The following VWA8 variants were observed in gnomAD, a reference collection of about 807,000 sequenced individuals.
VWA8 encodes the protein von Willebrand factor A domain-containing protein 8.
VWA8 carries 221 observed loss-of-function variants against 241.5 expected under a neutral mutation model. The ratio of observed to expected loss-of-function variants is 0.91; its 90% CI spans 0.82 to 1.02. The LOEUF (loss-of-function observed/expected upper bound fraction) is 1.02. VWA8 is among the 50% of genes least tolerant of loss of function. The pLI is 0.00. For missense variants in VWA8, 2,322 were observed against 2,328.7 expected, an observed-to-expected ratio of 1.00 and a Z score of 0.06; for synonymous variants, 852 against 827.1, an observed-to-expected ratio of 1.03 and a Z score of -0.52.
chr13:41,736,444 A>C (rs1410599709), intron 21 of VWA8, among the ~76,000 whole-genome samples: 6 of 152,198 alleles, frequency 3.9e-5, no homozygotes, highest in Non-Finnish European at 5.9e-5. Context: ...CAAAATAAGG[A>C]AAGAAAACTG....
intron 13 of VWA8, 125 bp downstream of exon 13, chr13:41,833,246 C>T (rs1871549363): frequency 1.7e-6 from 2 of 1,160,414 alleles, no homozygotes; most frequent in African/African-American, 1.6e-5. Flanking sequence ...GGTATAGAAT[C>T]ATGATTTTTC....
At chr13:41,936,412 C>T (rs1377202676) in intron 2 of VWA8, among the ~76,000 whole-genome samples, 2 of 152,066 alleles carry the variant, frequency 1.3e-5, no homozygotes, top group Non-Finnish European at 2.9e-5. Flanking sequence ...ACATGAGATA[C>T]TTGTATATTA....
intron 44 of VWA8, 77 bp downstream of exon 44, chr13:41,570,391 A>G (rs1593620067): frequency 7.5e-7 from 1 of 1,328,422 alleles, no homozygotes; most frequent in South Asian, 1.3e-5. Context: ...TCATGGTGCT[A>G]AGCCTATAAA....
At chr13:41,713,743 A>T (rs1288508328) in intron 26 of VWA8, among the ~76,000 whole-genome samples, 1 of 152,184 alleles carries the variant, frequency 6.6e-6, no homozygotes, top group African/African-American at 2.4e-5. Context: ...TTTAATCCTG[A>T]TGAGAACATC....
At chr13:41,767,032 T>C (rs930813392) in intron 20 of VWA8, among the ~76,000 whole-genome samples, 7 of 152,232 alleles carry the variant, frequency 4.6e-5, no homozygotes, top group Admixed American at 6.5e-5. Context: ...TATTTGCCAC[T>C]GCCAGCATTC....
At chr13:41,609,187 C>A (rs1044016469) in intron 39 of VWA8, among the ~76,000 whole-genome samples, 7 of 152,038 alleles carry the variant, frequency 4.6e-5, no homozygotes, top group Admixed American at 2.0e-4. Context: ...GAGAGACAAC[C>A]AATTATTCAC....
At chr13:41,786,436 A>G (rs1306736340) in intron 18 of VWA8, among the ~76,000 whole-genome samples, 3 of 152,148 alleles carry the variant, frequency 2.0e-5, no homozygotes, top group African/African-American at 7.2e-5. Flanking sequence ...GAACCAGACA[A>G]GTAAAAAGTC....
intron 23 of VWA8, among the ~76,000 whole-genome samples, chr13:41,728,847 T>C (rs765860961): frequency 6.6e-6 from 1 of 152,134 alleles, no homozygotes; most frequent in Non-Finnish European, 1.5e-5. Flanking sequence ...ATTTTAGTTA[T>C]TAGTCTCAAC....
At chr13:41,904,487 C>T (rs934065167) in intron 4 of VWA8, among the ~76,000 whole-genome samples, 4 of 152,136 alleles carry the variant, frequency 2.6e-5, no homozygotes, top group African/African-American at 9.7e-5. Flanking sequence ...TCCCATCCCT[C>T]ACTCTTATCT....
At chr13:41,571,982 T>C (rs921279083) in intron 43 of VWA8, among the ~76,000 whole-genome samples, 6 of 150,632 alleles carry the variant, frequency 4.0e-5, no homozygotes, top group South Asian at 2.1e-4. Context: ...ATGTGAGGAA[T>C]GCCTCTGCCC....
chr13:41,881,605 A>G (rs1441113624), intron 9 of VWA8, among the ~76,000 whole-genome samples: 37 of 149,582 alleles, frequency 2.5e-4, no homozygotes, highest in East Asian at 6.0e-4. Context: ...GGTGGTGGCC[A>G]GGCAGAGGGG....
intron 18 of VWA8, among the ~76,000 whole-genome samples, chr13:41,784,144 TA>T (rs1381606411): frequency 2.8e-4 from 40 of 141,946 alleles, no homozygotes; most frequent in East Asian, 8.1e-4. Flanking sequence ...TGTGAGAAAC[TA>T]AAAAAAAAAA....
chr13:41,717,119 A>G (rs2045352558), intron 26 of VWA8, among the ~76,000 whole-genome samples: 2 of 151,978 alleles, frequency 1.3e-5, no homozygotes, highest in African/African-American at 4.8e-5. Flanking sequence ...GATGATCCAC[A>G]ATGAAGATAA....
Position 41,590,782 on chromosome 13 carries a change from T to TACAC in VWA8, c.4987-21_4987-18dup. The TACAC allele has an allele frequency of 6.2e-7, 1 of 1,613,360 alleles. No individual in the cohort carries two copies. The highest frequency in any genetic ancestry group is 1.3e-5 in the African/African-American group (1 of 75,002). ...ACCTTTAGCCTACAAAAGACACACA[T>TACAC]ACACACACAAAGCCTTAATTAGTTA... On this transcript the variant is annotated splice_polypyrimidine_tract_variant and intron_variant, in intron 40 of 44. Transcript: ENST00000379310.
In VWA8 at chr13:41,961,084, T is replaced by C. The variant is rs1878599588; in HGVS notation, c.-69A>G. Reference sequence around the variant, plus strand: ...CGAGCGGCGTCCCGTGCAGGCACCGTGAGGCAGCGCGGAGAAGGGGACAGG... The same window carrying C: ...CGAGCGGCGTCCCGTGCAGGCACCGCGAGGCAGCGCGGAGAAGGGGACAGG... On this transcript the variant is annotated 5_prime_UTR_variant, in exon 1 of 45. Transcript: ENST00000379310. 3 of 1,306,688 alleles carry C rather than the reference T, an allele frequency of 2.3e-6. No individual in the cohort carries two copies. Among genetic ancestry groups the C allele is most frequent in the Non-Finnish European group, 2.0e-6 (2 of 1,019,544 alleles). 80.9% of individuals were successfully genotyped at this position (1,306,688 alleles called of 1,614,324 possible).
intron 21 of VWA8, among the ~76,000 whole-genome samples, chr13:41,734,183 C>A (rs1246010166): frequency 6.6e-6 from 1 of 152,018 alleles, no homozygotes; most frequent in African/African-American, 2.4e-5. Context: ...ACTAAAAATA[C>A]AAAAATTAGC....
chr13:41,770,428 G>A (rs1172383666), intron 20 of VWA8, among the ~76,000 whole-genome samples: 47 of 139,894 alleles, frequency 3.4e-4, no homozygotes, highest in Non-Finnish European at 4.4e-4. Flanking sequence ...GCGACAGAGC[G>A]AGACTCCGTT....
intron 12 of VWA8, among the ~76,000 whole-genome samples, chr13:41,848,053 A>AACG (rs1872365791): frequency 6.6e-6 from 1 of 152,218 alleles, no homozygotes; most frequent in Non-Finnish European, 1.5e-5. Context: ...GCAAAAAACA[A>AACG]ATGATGGAAT....
chr13:41,782,971 A>G (rs1868958945), intron 19 of VWA8, among the ~76,000 whole-genome samples: 1 of 151,284 alleles, frequency 6.6e-6, no homozygotes, highest in South Asian at 2.1e-4. Context: ...TCCTTTAAAA[A>G]AGAAAGGAAA....
Sources: allele counts gnomAD v4.1 joint callset (sites outside exome capture counted in the v4.1 genomes callset), GRCh38; gene constraint gnomAD v4.1.1; transcripts MANE v1.5; gene names NCBI Gene and HGNC (gene_info 2026-07-23, HGNC 2026-07-21).